The following PTBP3 variants were observed in gnomAD, a reference collection of about 807,000 sequenced individuals.
PTBP3 encodes the protein polypyrimidine tract binding protein 3, also known as polypyrimidine tract-binding protein 3.
In PTBP3, 20 loss-of-function variants were observed where a neutral mutation model predicts 58.7. The observed-to-expected ratio is 0.34, with a 90% CI of 0.24 to 0.50. The LOEUF is 0.50. Ranked by LOEUF, PTBP3 falls within the 20% of genes least tolerant of loss-of-function variation. The pLI is 0.98. For synonymous variants in PTBP3, 185 were observed against 219.8 expected (o/e 0.84, Z 1.40); for missense variants, 509 against 637.2 (o/e 0.80, Z 2.17).
chr9:112,249,104 G>A (rs984753039), intron 7 of PTBP3, among the ~76,000 whole-genome samples: 6 of 152,064 alleles, frequency 3.9e-5, no homozygotes, highest in African/African-American at 1.4e-4. Flanking sequence ...AAATTTTTAA[G>A]TTGCATTTAG....
chr9:112,334,904 T>G (rs940410415), upstream of PTBP3, among the ~76,000 whole-genome samples: 4 of 152,362 alleles, frequency 2.6e-5, no homozygotes, highest in Middle Eastern at 3.4e-3. Flanking sequence ...GAGGTAATTC[T>G]TAAAGTCCTG....
In PTBP3 at chr9:112,220,098, C is replaced by CT; in HGVS notation, c.*3752dup. On this transcript the variant is annotated 3_prime_UTR_variant, in exon 14 of 14. Transcript: ENST00000374257. ...TGCTTTACGCATCGTCACGCTGTCTCTTTTTGGTTTTAAAAATAGCAGTAC... is the reference window on the plus strand; with the variant it reads ...TGCTTTACGCATCGTCACGCTGTCTCTTTTTTGGTTTTAAAAATAGCAGTAC... 1 of 1,231,914 alleles carries CT rather than the reference C, an allele frequency of 8.1e-7. No homozygotes were observed. Among genetic ancestry groups the CT allele is most frequent in the Admixed American group, 2.8e-5 (1 of 35,448 alleles). The allele number at this position is 1,231,914 out of a possible 1,614,324, so 76.3% of individuals were successfully genotyped here. A position where few individuals can be genotyped will look rare whatever the true frequency, so the allele number is the denominator to read the frequency against.
intron 7 of PTBP3, among the ~76,000 whole-genome samples, chr9:112,244,517 AT>A (rs1377305773): frequency 1.3e-5 from 2 of 149,612 alleles, no homozygotes; most frequent in Admixed American, 6.7e-5. Flanking sequence ...CTACAAAAAA[AT>A]TTTTTTTTTA....
At chr9:112,368,637 TA>T in the PTBP3 span, among the ~76,000 whole-genome samples, 1 of 152,232 alleles carries the variant, frequency 6.6e-6, no homozygotes, top group Non-Finnish European at 1.5e-5. Flanking sequence ...CTTCCCATTA[TA>T]ATTTCATAAG....
chr9:112,229,455 C>T (rs1351172312), intron 10 of PTBP3, among the ~76,000 whole-genome samples: 1 of 151,730 alleles, frequency 6.6e-6, no homozygotes, highest in Non-Finnish European at 1.5e-5. Flanking sequence ...GTCCCAGCTA[C>T]TCGGGAGGCT....
chr9:112,351,346 T>C, the PTBP3 span, among the ~76,000 whole-genome samples: 3 of 152,224 alleles, frequency 2.0e-5, no homozygotes, highest in Non-Finnish European at 2.9e-5. Flanking sequence ...CAGGGTTATA[T>C]GTTTTTGGGA....
At chr9:112,254,006 G>A (rs1836243967) in intron 5 of PTBP3, among the ~76,000 whole-genome samples, 1 of 152,146 alleles carries the variant, frequency 6.6e-6, no homozygotes, top group African/African-American at 2.4e-5. Context: ...AAAAAGTTAA[G>A]TATTCCCTAT....
In PTBP3 at chr9:112,227,569, G is replaced by C. The variant is rs777751455; in HGVS notation, c.1206C>G (p.Ser402=). 6.2e-7 allele frequency: 1 copy of C among 1,613,928 alleles called. No homozygotes were observed. The highest frequency in any genetic ancestry group is 8.5e-7 in the Non-Finnish European group (1 of 1,179,938). ...LYGKVLRATL[S]KHQAVQLPRE... ...GAGGAAGCTGTACTGCTTGATGTTT[G>C]GACAGTGTAGCACGAAGCACTTTCC... Residue 402 remains serine (S), a synonymous_variant, in exon 12 of 14, where the codon TCC becomes TCG. Transcript: ENST00000374257.
At chr9:112,263,493 A>G (rs1836681223) in intron 4 of PTBP3, among the ~76,000 whole-genome samples, 1 of 152,246 alleles carries the variant, frequency 6.6e-6, no homozygotes, top group South Asian at 2.1e-4. Context: ...TCTGTCAAAG[A>G]CAGATACTCT....
chr9:112,293,364 C>G (rs1314771537), intron 2 of PTBP3, among the ~76,000 whole-genome samples: 2 of 151,960 alleles, frequency 1.3e-5, no homozygotes, highest in Non-Finnish European at 2.9e-5. Flanking sequence ...AATTAGAGTA[C>G]AAAAAGAAAG....
chr9:112,234,125 G>T (rs949365097), intron 8 of PTBP3, among the ~76,000 whole-genome samples: 1 of 152,104 alleles, frequency 6.6e-6, no homozygotes, highest in Non-Finnish European at 1.5e-5. Flanking sequence ...ACCAACCTCA[G>T]TGTTTTCTTT....
At chr9:112,289,871 C>A (rs1828301545) in intron 2 of PTBP3, among the ~76,000 whole-genome samples, 1 of 152,176 alleles carries the variant, frequency 6.6e-6, no homozygotes, top group African/African-American at 2.4e-5. Context: ...TAACCCATAT[C>A]ATTTTTATTT....
rs2132431429 is a variant in PTBP3, at chr9:112,319,255, C to T, written c.-52+14215G>A. On this transcript the variant is annotated intron_variant, in intron 1 of 13. Coordinates refer to ENST00000374257, the MANE Select transcript of PTBP3 (RefSeq NM_001163788.4). Reference sequence around the variant, plus strand: ...ACACTGAAGACGGAAATTGAAGACACAGCCAGGAGCAGTAGCCCACACCTG... The same window carrying T: ...ACACTGAAGACGGAAATTGAAGACATAGCCAGGAGCAGTAGCCCACACCTG... Among the ~76,000 whole-genome samples the T allele has an allele frequency of 2.0e-5, 3 of 150,848 alleles. 1 individual carries two copies. The Middle Eastern group carries it at 0.01, about 527-fold the overall frequency.
chr9:112,290,800 T>C lies in PTBP3; in HGVS notation c.34+7032A>G, dbSNP rs183896580. Among the ~76,000 whole-genome samples, 501 of 149,830 alleles carry C rather than the reference T, an allele frequency of 3.3e-3. 2 individuals carry two copies. The highest frequency in any genetic ancestry group is 0.014 in the Middle Eastern group (4 of 286). ...ACATATTTCTGGTAAGAGTATAAAA[T>C]CACTTTTGAAAATTAGTAGACTCTA... is the stretch of plus-strand genomic sequence containing the variant. On this transcript the variant is annotated intron_variant, in intron 2 of 13. Coordinates refer to ENST00000374257, the MANE Select transcript of PTBP3 (RefSeq NM_001163788.4).
chr9:112,260,173 T>G (rs1836532711), intron 5 of PTBP3, among the ~76,000 whole-genome samples: 1 of 152,198 alleles, frequency 6.6e-6, no homozygotes, highest in African/African-American at 2.4e-5. Context: ...CCTCTCAAAG[T>G]GTTGGGATTA....
intron 1 of PTBP3, among the ~76,000 whole-genome samples, chr9:112,299,472 A>G (rs1328031972): frequency 2.0e-5 from 3 of 152,228 alleles, no homozygotes; most frequent in Non-Finnish European, 4.4e-5. Context: ...TAAAACCAAC[A>G]AAGGGTTTAT....
At chr9:112,308,232 G>T (rs1478893827) in intron 1 of PTBP3, among the ~76,000 whole-genome samples, 3 of 151,814 alleles carry the variant, frequency 2.0e-5, no homozygotes, top group Non-Finnish European at 4.4e-5. Flanking sequence ...TCACTTCGTT[G>T]TCCAGGCTGG....
At chr9:112,323,449 GGT>G (rs1352422476) in intron 1 of PTBP3, among the ~76,000 whole-genome samples, 1 of 152,156 alleles carries the variant, frequency 6.6e-6, no homozygotes, top group Non-Finnish European at 1.5e-5. Context: ...AAAGTGCCAT[GGT>G]ATTGGCCTCT....
chr9:112,320,291 A>AAAAATATATATATATATAT (rs1411646280), intron 1 of PTBP3, among the ~76,000 whole-genome samples: 5 of 73,532 alleles, frequency 6.8e-5, no homozygotes, highest in East Asian at 3.2e-4. Context: ...AAAAAAAAAA[A>AAAAATATATATATATATAT]ATATATATAT....
Sources: gnomAD v4.1 joint callset for allele counts (sites outside exome capture counted in the v4.1 genomes callset) on GRCh38, gnomAD v4.1.1 for gene constraint, MANE v1.5 for transcripts, NCBI Gene and HGNC (gene_info 2026-07-23, HGNC 2026-07-21) for gene names.